Variants in RBFOX1 observed in about 807,000 individuals in gnomAD.
RBFOX1 encodes the protein RNA binding fox-1 homolog 1, also known as RNA binding protein fox-1 homolog 1.
Under a neutral mutation model 57.7 loss-of-function variants are expected in RBFOX1, and 8 were observed. That is an observed-to-expected ratio of 0.14 (90% CI 0.08 to 0.25). RBFOX1 has a LOEUF of 0.25. RBFOX1 is among the 10% of genes least tolerant of loss of function. The pLI is 1.00. For missense variants in RBFOX1, 611 were observed against 548.5 expected (o/e 1.11, Z -1.14); for synonymous variants, 326 against 222.4 (o/e 1.47, Z -4.15).
intron 4 of RBFOX1, among the ~76,000 whole-genome samples, chr16:7,277,349 T>C (rs559239905): frequency 6.6e-6 from 1 of 152,200 alleles, no homozygotes; most frequent in East Asian, 1.9e-4. Flanking sequence ...TATGTAGATA[T>C]CTCCTTCTTT....
chr16:6,872,320 C>G (rs577082052), intron 3 of RBFOX1, among the ~76,000 whole-genome samples: 12 of 152,264 alleles, frequency 7.9e-5, no homozygotes, highest in South Asian at 4.1e-4. Context: ...CTGTCTCCCT[C>G]TCTTCCTTCC....
chr16:5,910,300 G>T (rs2152208143), intron 4 of RBFOX1, among the ~76,000 whole-genome samples: 1 of 152,136 alleles, frequency 6.6e-6, no homozygotes, highest in East Asian at 1.9e-4. Flanking sequence ...CACACAGAGG[G>T]GCACGTTCTC....
chr16:6,247,003 G>C (rs2097572913), intron 1 of RBFOX1, among the ~76,000 whole-genome samples: 1 of 152,172 alleles, frequency 6.6e-6, no homozygotes. Context: ...CCAGGAAGTA[G>C]AGGTTGTGGT....
chr16:7,388,139 C>G (rs538650090), intron 4 of RBFOX1, among the ~76,000 whole-genome samples: 7 of 151,700 alleles, frequency 4.6e-5, no homozygotes, highest in Non-Finnish European at 8.8e-5. Context: ...TTTGCATAAT[C>G]GAAAATAGCA....
chr16:6,864,476 A>G (rs1008307236), intron 3 of RBFOX1, among the ~76,000 whole-genome samples: 2 of 152,108 alleles, frequency 1.3e-5, no homozygotes. Flanking sequence ...TATAAATGAC[A>G]TAATCTCAAA....
Position 6,271,749 on chromosome 16 carries a change from C to G in RBFOX1, c.-126-45246C>G, listed in dbSNP as rs1480179840. 2.0e-5 allele frequency among the ~76,000 whole-genome samples: 3 copies of G among 152,142 alleles called. No individual in the cohort carries two copies. In the East Asian group the frequency reaches 5.8e-4, roughly 29 times the overall value. ...AATACAAACCATCATATTTTACTCA[C>G]TGTGAAATGGATAATTTGAATGTCC... On this transcript the variant is annotated intron_variant, in intron 1 of 15. Transcript: ENST00000550418.
intron 1 of RBFOX1, among the ~76,000 whole-genome samples, chr16:5,291,349 G>A (rs539159070): frequency 7.2e-6 from 1 of 139,158 alleles, no homozygotes; most frequent in African/African-American, 2.7e-5. Flanking sequence ...TGCAAGCTCC[G>A]CCTTCCGGGT....
intron 2 of RBFOX1, among the ~76,000 whole-genome samples, chr16:5,494,100 TACTC>T (rs1224989403): frequency 3.9e-5 from 6 of 152,160 alleles, no homozygotes; most frequent in East Asian, 3.9e-4. Flanking sequence ...TGCTTGTCCT[TACTC>T]ACGTGCTTTG....
chr16:5,354,223 T>G (rs1009552319), intron 1 of RBFOX1, among the ~76,000 whole-genome samples: 3 of 152,172 alleles, frequency 2.0e-5, no homozygotes, highest in Non-Finnish European at 4.4e-5. Flanking sequence ...TGAGCACTAG[T>G]GGGTGAGTCT....
At chr16:6,828,472 C>T (rs1030065086) in intron 3 of RBFOX1, among the ~76,000 whole-genome samples, 3 of 151,496 alleles carry the variant, frequency 2.0e-5, no homozygotes, top group African/African-American at 7.3e-5. Flanking sequence ...TGCAGTCAGT[C>T]GACATCACGC....
chr16:7,664,820 T>C, intron 12 of RBFOX1, 109 bp from the exon 13 acceptor site: 1 of 1,591,300 alleles, frequency 6.3e-7, no homozygotes, highest in Non-Finnish European at 8.6e-7. Context: ...CCTCGGTTCC[T>C]GTGTTTTGGA....
chr16:7,011,114 G>C (rs946559811), intron 3 of RBFOX1, among the ~76,000 whole-genome samples: 8 of 151,542 alleles, frequency 5.3e-5, no homozygotes, highest in Non-Finnish European at 7.4e-5. Context: ...AAAGAAGAGA[G>C]GCCATCAGGC....
chr16:6,070,363 C>T (rs1028835420), intron 1 of RBFOX1, among the ~76,000 whole-genome samples: 7 of 152,138 alleles, frequency 4.6e-5, no homozygotes, highest in Non-Finnish European at 7.3e-5. Flanking sequence ...CAGTGAGTGC[C>T]TGCATTATTT....
chr16:6,489,725 A>G (rs1310794479), intron 2 of RBFOX1, among the ~76,000 whole-genome samples: 2 of 152,184 alleles, frequency 1.3e-5, no homozygotes, highest in Non-Finnish European at 2.9e-5. Flanking sequence ...TAATGCTCAC[A>G]GCTTTATATG....
chr16:5,808,697 C>T lies in RBFOX1; in HGVS notation c.319-58606C>T, dbSNP rs180709338. Among the ~76,000 whole-genome samples, 438 of 152,252 alleles carry T rather than the reference C, an allele frequency of 2.9e-3. 3 individuals are homozygous for T. The highest frequency in any genetic ancestry group is 0.01 in the African/African-American group (421 of 41,552). On this transcript the variant is annotated intron_variant, in intron 3 of 19. Coordinates refer to the RBFOX1 transcript ENST00000641259. ...TTTGAAGCAATTGTGAATGGGAGTT[C>T]ACTCATGATTTGGCTCTCTGTTTGT...
chr16:6,340,706 G>C (rs908077001), intron 2 of RBFOX1, among the ~76,000 whole-genome samples: 1 of 152,130 alleles, frequency 6.6e-6, no homozygotes, highest in Non-Finnish European at 1.5e-5. Context: ...CCTGTTTTAT[G>C]AGCAAGGTCT....
At chr16:7,245,581 G>T (rs1339853223) in intron 4 of RBFOX1, among the ~76,000 whole-genome samples, 2 of 152,152 alleles carry the variant, frequency 1.3e-5, no homozygotes, top group African/African-American at 4.8e-5. Flanking sequence ...TTTTAAATCT[G>T]ATTTTTATAA....
intron 3 of RBFOX1, among the ~76,000 whole-genome samples, chr16:6,854,269 T>C (rs2057383423): frequency 6.6e-6 from 1 of 152,112 alleles, no homozygotes; most frequent in Admixed American, 6.5e-5. Flanking sequence ...ATTTCCTAGT[T>C]AGAGAATGTA....
chr16:6,911,333 G>A (rs1389465074), intron 3 of RBFOX1, among the ~76,000 whole-genome samples: 1 of 152,118 alleles, frequency 6.6e-6, no homozygotes, highest in Non-Finnish European at 1.5e-5. Context: ...CACTTGTGGA[G>A]GCCAGAAGTC....
Sources: gnomAD v4.1 joint callset for allele counts (sites outside exome capture counted in the v4.1 genomes callset) on GRCh38, gnomAD v4.1.1 for gene constraint, MANE v1.5 for transcripts, NCBI Gene and HGNC (gene_info 2026-07-23, HGNC 2026-07-21) for gene names.